Variants in ADAMTS6 observed in about 807,000 individuals in gnomAD.
The protein encoded by ADAMTS6 is A disintegrin and metalloproteinase with thrombospondin motifs 6.
ADAMTS6 carries 23 observed loss-of-function variants against 144.3 expected under a neutral mutation model. The ratio of observed to expected loss-of-function variants is 0.16; its 90% CI spans 0.11 to 0.23. The LOEUF is 0.23. Among genes scored for constraint, ADAMTS6 ranks in the 10% least tolerant of loss-of-function variants. The pLI is 1.00. For missense variants in ADAMTS6, 999 were observed against 1,379.6 expected (o/e 0.72, Z 4.37); for synonymous variants, 444 against 457.5 (o/e 0.97, Z 0.38).
intron 11 of ADAMTS6, among the ~76,000 whole-genome samples, chr5:65,274,607 A>C (rs1762308128): frequency 6.6e-6 from 1 of 152,092 alleles, no homozygotes; most frequent in African/African-American, 2.4e-5. Context: ...AATTGAGGGG[A>C]TCTCTTTGGG....
chr5:65,232,017 A>G (rs10077717), intron 15 of ADAMTS6, among the ~76,000 whole-genome samples: 1,659 of 152,242 alleles, frequency 0.011, 41 homozygotes, highest in African/African-American at 0.037. Context: ...AGGCTGAGGC[A>G]GGAGAATCAC....
At chr5:65,337,459 T>C (rs1219640772) in intron 7 of ADAMTS6, among the ~76,000 whole-genome samples, 1 of 152,078 alleles carries the variant, frequency 6.6e-6, no homozygotes, top group African/African-American at 2.4e-5. Flanking sequence ...AATTCCTGAT[T>C]CTTTCCTTTC....
At chr5:65,203,330 AG>A (rs1283463121) in intron 20 of ADAMTS6, among the ~76,000 whole-genome samples, 5 of 152,200 alleles carry the variant, frequency 3.3e-5, no homozygotes, top group African/African-American at 1.2e-4. Flanking sequence ...TCTAGGCTGC[AG>A]TGGGCTATTA....
chr5:65,331,297 TTTG>T (rs975681973), intron 8 of ADAMTS6, among the ~76,000 whole-genome samples: 6 of 152,052 alleles, frequency 3.9e-5, no homozygotes, highest in Admixed American at 2.6e-4. Context: ...GCTTTTGGGT[TTTG>T]TTGTTGTTGT....
intron 7 of ADAMTS6, among the ~76,000 whole-genome samples, chr5:65,424,318 A>G (rs1446302942): frequency 6.6e-6 from 1 of 152,226 alleles, no homozygotes; most frequent in Non-Finnish European, 1.5e-5. Context: ...AATTAAATGG[A>G]CAGTTTTAGT....
intron 21 of ADAMTS6, among the ~76,000 whole-genome samples, chr5:65,194,168 A>G (rs1456964790): frequency 6.6e-6 from 1 of 152,194 alleles, no homozygotes; most frequent in African/African-American, 2.4e-5. Context: ...ACCAATGTCA[A>G]CTGGGAATCT....
chr5:65,201,228 T>A (rs1052057413), intron 20 of ADAMTS6, among the ~76,000 whole-genome samples: 4 of 152,164 alleles, frequency 2.6e-5, no homozygotes, highest in Admixed American at 1.3e-4. Context: ...TGAGTCCCAG[T>A]CTGAGCAAAG....
intron 24 of ADAMTS6, among the ~76,000 whole-genome samples, chr5:65,164,479 T>G (rs1355522815): frequency 7.1e-6 from 1 of 141,630 alleles, no homozygotes; most frequent in African/African-American, 2.7e-5. Flanking sequence ...TGCCCAGGCT[T>G]GCTTAGGTAA....
At chr5:65,331,807 T>C (rs1487756203) in intron 8 of ADAMTS6, among the ~76,000 whole-genome samples, 1 of 151,978 alleles carries the variant, frequency 6.6e-6, no homozygotes, top group Non-Finnish European at 1.5e-5. Flanking sequence ...TCTGTACTGA[T>C]AATATATTTT....
At chr5:65,344,556 A>G (rs1216052306) in intron 7 of ADAMTS6, among the ~76,000 whole-genome samples, 6 of 151,860 alleles carry the variant, frequency 4.0e-5, no homozygotes, top group African/African-American at 7.2e-5. Context: ...AGAATTCTCT[A>G]TTGTTGAAAA....
At chr5:65,170,396 C>T (rs566419411) in intron 24 of ADAMTS6, among the ~76,000 whole-genome samples, 22 of 152,280 alleles carry the variant, frequency 1.4e-4, no homozygotes, top group African/African-American at 5.3e-4. Flanking sequence ...TATAGATAAA[C>T]TTAGCTCCAG....
At chr5:65,390,884 T>C (rs930032569) in intron 7 of ADAMTS6, among the ~76,000 whole-genome samples, 1 of 152,152 alleles carries the variant, frequency 6.6e-6, no homozygotes, top group African/African-American at 2.4e-5. Flanking sequence ...CTCCAAGTAA[T>C]GGATCTTCTA....
At chr5:65,453,014 AT>A in intron 4 of ADAMTS6, 96 bp from the exon 5 acceptor site, 1 of 910,818 alleles carries the variant, frequency 1.1e-6, no homozygotes, top group Non-Finnish European at 1.6e-6. Context: ...ATTCTCTAAT[AT>A]ATTAAGATTT....
chr5:65,318,092 A>G (rs1745194422), intron 9 of ADAMTS6, among the ~76,000 whole-genome samples: 1 of 134,844 alleles, frequency 7.4e-6, no homozygotes, highest in African/African-American at 2.5e-5. Flanking sequence ...AAAAAAAAAA[A>G]GAAGATATAC....
At chr5:65,451,951 G>A (rs959626332) in intron 6 of ADAMTS6, among the ~76,000 whole-genome samples, 182 bp downstream of exon 6, 2 of 151,986 alleles carry the variant, frequency 1.3e-5, no homozygotes, top group Admixed American at 1.3e-4. Context: ...AACATAAAAG[G>A]TATATTCTTG....
intron 9 of ADAMTS6, among the ~76,000 whole-genome samples, chr5:65,303,828 T>C (rs1167708261): frequency 6.6e-6 from 1 of 152,124 alleles, no homozygotes; most frequent in African/African-American, 2.4e-5. Flanking sequence ...GGCATTTAGA[T>C]TAAACTGCAT....
intron 7 of ADAMTS6, among the ~76,000 whole-genome samples, chr5:65,390,769 C>T (rs1348542731): frequency 6.6e-6 from 1 of 152,134 alleles, no homozygotes; most frequent in Non-Finnish European, 1.5e-5. Flanking sequence ...TGAAACGTCA[C>T]AGAGAGAAAG....
chr5:65,157,568 T>A (rs1752507609), intron 24 of ADAMTS6, among the ~76,000 whole-genome samples: 1 of 152,228 alleles, frequency 6.6e-6, no homozygotes, highest in South Asian at 2.1e-4. Context: ...TGTAAACTCC[T>A]TATGTGGTTC....
intron 3 of ADAMTS6, among the ~76,000 whole-genome samples, chr5:65,470,477 G>C (rs1172781478): frequency 1.3e-5 from 2 of 151,964 alleles, no homozygotes; most frequent in Non-Finnish European, 2.9e-5. Context: ...ACTGAGTTTT[G>C]TTTATGCATA....
Sources: allele counts gnomAD v4.1 joint callset (sites outside exome capture counted in the v4.1 genomes callset), GRCh38; gene constraint gnomAD v4.1.1; transcripts MANE v1.5; gene names NCBI Gene and HGNC (gene_info 2026-07-23, HGNC 2026-07-21).